ANKRD44: variants seen among roughly 807,000 people sequenced by gnomAD.
ANKRD44 encodes ankyrin repeat domain 44, also known as serine/threonine-protein phosphatase 6 regulatory ankyrin repeat subunit B.
ANKRD44 carries 35 observed loss-of-function variants against 116.0 expected under a neutral mutation model. That is an observed-to-expected ratio of 0.30 (90% CI 0.23 to 0.40). The LOEUF is 0.40. Ranked by LOEUF, ANKRD44 falls within the 10% of genes least tolerant of loss-of-function variation. The pLI, the probability that ANKRD44 is intolerant of heterozygous loss-of-function variation, is 1.00. For synonymous variants in ANKRD44, 435 were observed against 461.8 expected (o/e 0.94, Z 0.74); for missense variants, 1,014 against 1,242.6 (o/e 0.82, Z 2.77).
intron 16 of ANKRD44, among the ~76,000 whole-genome samples, chr2:197,065,983 C>A (rs1184179478): frequency 6.6e-6 from 1 of 151,958 alleles, no homozygotes; most frequent in East Asian, 1.9e-4. Flanking sequence ...AGAGACACAA[C>A]AAAAAAAGAG....
At chr2:197,245,971 T>C (rs995708799) in intron 1 of ANKRD44, among the ~76,000 whole-genome samples, 1 of 152,186 alleles carries the variant, frequency 6.6e-6, no homozygotes, top group Non-Finnish European at 1.5e-5. Context: ...GCAGTTGAAC[T>C]CTATCCCAGT....
At chr2:197,298,750 C>T (rs999893877) in intron 1 of ANKRD44, among the ~76,000 whole-genome samples, 2 of 152,000 alleles carry the variant, frequency 1.3e-5, no homozygotes, top group Non-Finnish European at 2.9e-5. Flanking sequence ...AAACTCATCT[C>T]TACTAAAAAT....
rs2078856453 is a variant in ANKRD44 at position 197,121,624 on chromosome 2, T to C, written c.694-80A>G. 15 of 1,252,540 alleles carry C rather than the reference T, an allele frequency of 1.2e-5. 1 individual carries two copies. The South Asian group carries it at 1.9e-4, about 16-fold the overall frequency. 77.6% of individuals were successfully genotyped at this position (1,252,540 alleles called of 1,614,324 possible). On this transcript the variant is annotated intron_variant, in intron 7 of 27. Transcript: ENST00000282272. ...TTTTCCACAAAAAGCATAACGGCTG[T>C]GGCTAGAGAAAGGAAATAGCCATCC... is the stretch of plus-strand genomic sequence containing the variant.
Position 197,229,029 on chromosome 2 carries a change from C to A in ANKRD44, c.28-41923G>T, listed in dbSNP as rs896048804. Among the ~76,000 whole-genome samples, 4 of 152,328 alleles carry A rather than the reference C, an allele frequency of 2.6e-5. No homozygotes were observed. In the South Asian group the frequency reaches 6.2e-4, roughly 24 times the overall value. ...CAGCCTGGGCAACAAGAGTAAAAAT[C>A]TATCACACACACACAAAAAGAGCTG... On this transcript the variant is annotated intron_variant, in intron 1 of 27. Coordinates refer to ENST00000282272, the MANE Select transcript of ANKRD44 (RefSeq NM_001195144.2).
At position 197,240,317 on chromosome 2, in the gene ANKRD44, G is replaced by T. The variant is rs529621817; in HGVS notation, c.28-53211C>A. On this transcript the variant is annotated intron_variant, in intron 1 of 27. Coordinates refer to ENST00000282272, the MANE Select transcript of ANKRD44 (RefSeq NM_001195144.2). ...TTGAGCCCAGGAGGCAGAGGTTGCA[G>T]TGAGCCAAGATCGCACCACTGCACT... is the stretch of plus-strand genomic sequence containing the variant. Among the ~76,000 whole-genome samples the T allele has an allele frequency of 1.7e-3, 247 of 146,750 alleles. 1 individual carries two copies. Among genetic ancestry groups the T allele is most frequent in the African/African-American group, 6.1e-3 (241 of 39,704 alleles).
At chr2:197,295,520 A>C (rs2083692304) in intron 1 of ANKRD44, among the ~76,000 whole-genome samples, 1 of 152,208 alleles carries the variant, frequency 6.6e-6, no homozygotes, top group South Asian at 2.1e-4. Flanking sequence ...TCCTTGGCTC[A>C]CGGGCCATTT....
intron 1 of ANKRD44, among the ~76,000 whole-genome samples, chr2:197,208,731 C>T (rs1481302929): frequency 6.6e-6 from 1 of 151,946 alleles, no homozygotes; most frequent in African/African-American, 2.4e-5. Flanking sequence ...ACCTGGGAGG[C>T]AGAGCTTGCA....
intron 1 of ANKRD44, among the ~76,000 whole-genome samples, chr2:197,246,350 CTTTTTTTTT>C (rs67655796): frequency 0.19 from 12,462 of 65,922 alleles, 1,040 homozygotes; most frequent in Middle Eastern, 0.38. Context: ...CTACATCTGG[CTTTTTTTTT>C]TTTTTTTTTT....
chr2:197,169,896 A>C (rs1000209632), intron 2 of ANKRD44, among the ~76,000 whole-genome samples: 2 of 152,144 alleles, frequency 1.3e-5, no homozygotes, highest in Non-Finnish European at 2.9e-5. Context: ...TTTTTTAAAA[A>C]AAAGAGGGAG....
intron 21 of ANKRD44, among the ~76,000 whole-genome samples, chr2:196,970,455 A>G (rs1029051254): frequency 6.6e-6 from 1 of 152,190 alleles, no homozygotes; most frequent in Non-Finnish European, 1.5e-5. Flanking sequence ...AAAACTGTGT[A>G]TTCTTAAATT....
At chr2:197,019,457 C>A (rs2076453974) in intron 17 of ANKRD44, among the ~76,000 whole-genome samples, 1 of 152,168 alleles carries the variant, frequency 6.6e-6, no homozygotes, top group Non-Finnish European at 1.5e-5. Flanking sequence ...ACTGAATTCT[C>A]ACAACAACCT....
rs751214799 is a variant in ANKRD44, at chr2:197,099,838, T to A, written c.1078A>T (p.Thr360Ser). ...TACTTGGCTGTGTCAGCTCCGCTGG[T>A]TATTAAGGTGTTAATCAAAAGCTCA... ...GHELLINTLI[T>S]SGADTAKCGI... is the part of the protein sequence containing the mutation. Residue 360 changes from threonine (T) to serine (S), a missense_variant, in exon 10 of 28, where the codon ACC (threonine) becomes TCC (serine). Physicochemically the swap from Thr to Ser is moderately conservative, Grantham distance 58 (BLOSUM62 1). Coordinates refer to ENST00000282272, the MANE Select transcript of ANKRD44 (RefSeq NM_001195144.2). 5.6e-6 allele frequency: 9 copies of A among 1,614,064 alleles called. No homozygotes were observed. The highest frequency in any genetic ancestry group is 1.3e-5 in the African/African-American group (1 of 74,924).
chr2:197,194,843 G>A (rs2080909535), intron 1 of ANKRD44, among the ~76,000 whole-genome samples: 1 of 152,174 alleles, frequency 6.6e-6, no homozygotes. Context: ...CAAAGTTGAG[G>A]GGGCTCCGCA....
intron 21 of ANKRD44, among the ~76,000 whole-genome samples, chr2:196,971,067 ATT>A (rs34902290): frequency 6.6e-6 from 1 of 151,712 alleles, no homozygotes; most frequent in Non-Finnish European, 1.5e-5. Context: ...ATGTTTGCAT[ATT>A]TTTTTTGCAT....
chr2:197,046,612 C>T (rs2077005711), intron 16 of ANKRD44, among the ~76,000 whole-genome samples: 1 of 147,832 alleles, frequency 6.8e-6, no homozygotes, highest in Non-Finnish European at 1.5e-5. Flanking sequence ...TGCCACTGCA[C>T]TCCAGCCTGG....
chr2:196,986,594 G>T, downstream of ANKRD44: 1 of 550,772 alleles, frequency 1.8e-6, no homozygotes, highest in Non-Finnish European at 2.3e-6. Flanking sequence ...AATTTGGCTT[G>T]AGGGGGTGCA....
chr2:197,275,694 C>T (rs994736432), intron 1 of ANKRD44, among the ~76,000 whole-genome samples: 1 of 151,548 alleles, frequency 6.6e-6, no homozygotes, highest in East Asian at 2.0e-4. Context: ...GCTTTGGAAC[C>T]GGGTTGGGGG....
chr2:197,260,357 T>G (rs1236455267), intron 1 of ANKRD44, among the ~76,000 whole-genome samples: 1 of 152,134 alleles, frequency 6.6e-6, no homozygotes, highest in Non-Finnish European at 1.5e-5. Flanking sequence ...CCTTGTGATA[T>G]TTTGCTGAGA....
intron 2 of ANKRD44, among the ~76,000 whole-genome samples, chr2:197,183,101 C>G (rs945053671): frequency 1.3e-5 from 2 of 152,034 alleles, no homozygotes; most frequent in Admixed American, 1.3e-4. Flanking sequence ...TAGTGGGGCA[C>G]AGAGTTTATA....
Sources: allele counts gnomAD v4.1 joint callset (sites outside exome capture counted in the v4.1 genomes callset), GRCh38; gene constraint gnomAD v4.1.1; transcripts MANE v1.5; gene names NCBI Gene and HGNC (gene_info 2026-07-23, HGNC 2026-07-21).